The following UBE3D variants were observed in gnomAD, a reference collection of about 807,000 sequenced individuals.
UBE3D encodes the protein ubiquitin protein ligase E3D, also known as E3 ubiquitin-protein ligase E3D.
Under a neutral mutation model 49.6 loss-of-function variants are expected in UBE3D, and 48 were observed. The ratio of observed to expected loss-of-function variants is 0.97; its 90% CI spans 0.77 to 1.23. The LOEUF is 1.23. Among genes scored for constraint, UBE3D ranks in the 50% most tolerant of loss-of-function variants. The pLI is 0.00. For missense variants in UBE3D, 452 were observed against 468.4 expected, an observed-to-expected ratio of 0.96 and a Z score of 0.32; for synonymous variants, 189 against 174.2, an observed-to-expected ratio of 1.08 and a Z score of -0.67.
chr6:82,900,005 G>A (rs1230201788), intron 9 of UBE3D, among the ~76,000 whole-genome samples: 1 of 152,168 alleles, frequency 6.6e-6, no homozygotes, highest in Non-Finnish European at 1.5e-5. Flanking sequence ...ATATAAAATG[G>A]TGCTACCTCA....
chr6:82,902,039 T>C (rs1471782431), intron 9 of UBE3D, among the ~76,000 whole-genome samples: 1 of 152,216 alleles, frequency 6.6e-6, no homozygotes, highest in Admixed American at 6.5e-5. Flanking sequence ...ATATCACATA[T>C]GACTACATTC....
At chr6:83,015,117 T>C (rs1351150609) in intron 8 of UBE3D, among the ~76,000 whole-genome samples, 1 of 152,148 alleles carries the variant, frequency 6.6e-6, no homozygotes, top group Non-Finnish European at 1.5e-5. Flanking sequence ...CATTTAAATT[T>C]TGTAGTTGAG....
intron 8 of UBE3D, chr6:83,018,751 A>G (rs1780867928): frequency 1.9e-6 from 1 of 524,874 alleles, no homozygotes; most frequent in Non-Finnish European, 3.3e-6. Context: ...ATTACAAGAA[A>G]AAAACAATAA....
At chr6:82,934,939 T>TGTATATATATATACGTATATATTATATAC (rs1582394833) in intron 9 of UBE3D, among the ~76,000 whole-genome samples, 1 of 131,264 alleles carries the variant, frequency 7.6e-6, no homozygotes, top group Non-Finnish European at 1.6e-5. Flanking sequence ...TATATATATA[T>TGTATATATATATACGTATATATTATATAC]GTATATATGT....
intron 9 of UBE3D, among the ~76,000 whole-genome samples, chr6:82,954,342 G>T (rs78281520): frequency 0.017 from 2,648 of 152,272 alleles, 34 homozygotes; most frequent in South Asian, 0.032. Flanking sequence ...TAACAGAGTG[G>T]AAGCTATATT....
intron 8 of UBE3D, among the ~76,000 whole-genome samples, chr6:83,003,897 TG>T (rs1358744640): frequency 6.6e-6 from 1 of 152,198 alleles, no homozygotes; most frequent in Non-Finnish European, 1.5e-5. Context: ...TGCTTAATAA[TG>T]AATGGTCCCT....
chr6:82,920,391 A>G (rs920137747), intron 9 of UBE3D, among the ~76,000 whole-genome samples: 9 of 152,254 alleles, frequency 5.9e-5, no homozygotes, highest in African/African-American at 2.2e-4. Context: ...TCTTTTTAAT[A>G]TGATAAGACC....
At position 82,930,966 on chromosome 6, in the gene UBE3D, A is replaced by G. The variant is rs149020356; in HGVS notation, c.1149+26346T>C. On this transcript the variant is annotated intron_variant, in intron 9 of 9. Transcript: ENST00000369747. ...GACTTTCATGGCAGCCCCTCCCATA[A>G]CAGGCCTGGAGGCCTAGGAGGAAAA... Among the ~76,000 whole-genome samples, 373 of 152,302 alleles carry G rather than the reference A, an allele frequency of 2.4e-3. 1 individual carries two copies. Among genetic ancestry groups the G allele is most frequent in the African/African-American group, 8.7e-3 (362 of 41,560 alleles).
At chr6:82,950,357 G>C (rs921160628) in intron 9 of UBE3D, among the ~76,000 whole-genome samples, 1 of 152,138 alleles carries the variant, frequency 6.6e-6, no homozygotes, top group Non-Finnish European at 1.5e-5. Context: ...CCAAAAGACA[G>C]GCTAACAAAT....
At chr6:82,929,721 T>C (rs1002575597) in intron 9 of UBE3D, among the ~76,000 whole-genome samples, 9 of 152,178 alleles carry the variant, frequency 5.9e-5, no homozygotes, top group African/African-American at 2.2e-4. Flanking sequence ...CTCCAGAAAT[T>C]ATGCTATTTT....
At chr6:82,991,337 A>C (rs1387392394) in intron 8 of UBE3D, among the ~76,000 whole-genome samples, 1 of 152,212 alleles carries the variant, frequency 6.6e-6, no homozygotes, top group Non-Finnish European at 1.5e-5. Context: ...AATACCTCCA[A>C]GGAACTCAAT....
chr6:82,960,532 C>T (rs1167468251), intron 8 of UBE3D, among the ~76,000 whole-genome samples: 1 of 151,544 alleles, frequency 6.6e-6, no homozygotes. Context: ...TGTCCTGTTT[C>T]CTTTATAAGA....
intron 5 of UBE3D, chr6:83,037,796 A>T (rs1782369819): frequency 6.6e-6 from 1 of 152,246 alleles, no homozygotes; most frequent in East Asian, 1.9e-4. Context: ...TATATTTTAA[A>T]GTAGTATAAC....
chr6:83,038,775 A>G (rs1782447065), intron 4 of UBE3D, among the ~76,000 whole-genome samples: 1 of 152,144 alleles, frequency 6.6e-6, no homozygotes, highest in Non-Finnish European at 1.5e-5. Context: ...TCTAAAAAGC[A>G]CTTCCAAATA....
intron 8 of UBE3D, among the ~76,000 whole-genome samples, chr6:83,006,299 G>A (rs1779975514): frequency 6.6e-6 from 1 of 152,132 alleles, no homozygotes; most frequent in Admixed American, 6.5e-5. Context: ...TTAAGAAGTT[G>A]AAGCCCTAAC....
At chr6:82,975,245 G>A (rs1331441490) in intron 8 of UBE3D, among the ~76,000 whole-genome samples, 1 of 152,038 alleles carries the variant, frequency 6.6e-6, no homozygotes, top group Non-Finnish European at 1.5e-5. Context: ...TTGCTTTAAA[G>A]TATGAGACCT....
intron 8 of UBE3D, among the ~76,000 whole-genome samples, chr6:82,987,760 A>G (rs1181053696): frequency 6.6e-6 from 1 of 152,234 alleles, no homozygotes; most frequent in Non-Finnish European, 1.5e-5. Flanking sequence ...TTCAAAAGAG[A>G]TATGAACAAG....
At chr6:82,887,272 T>C in the UBE3D span, among the ~76,000 whole-genome samples, 3 of 147,954 alleles carry the variant, frequency 2.0e-5, no homozygotes, top group African/African-American at 7.5e-5. Flanking sequence ...TGAGCTGAGA[T>C]TGTGCTACTG....
At chr6:83,017,394 C>G (rs1455708834) in intron 8 of UBE3D, 1 of 151,920 alleles carries the variant, frequency 6.6e-6, no homozygotes, top group African/African-American at 2.4e-5. Context: ...TAAAGATACA[C>G]ACAAACACAT....
Sources: allele counts gnomAD v4.1 joint callset (sites outside exome capture counted in the v4.1 genomes callset), GRCh38; gene constraint gnomAD v4.1.1; transcripts MANE v1.5; gene names NCBI Gene and HGNC (gene_info 2026-07-23, HGNC 2026-07-21).